The following FHL5 variants were observed in gnomAD, a reference collection of about 807,000 sequenced individuals.
The protein encoded by FHL5 is four and a half LIM domains 5.
A neutral mutation model predicts 32.0 loss-of-function variants in FHL5; 33 were observed. The ratio of observed to expected loss-of-function variants is 1.03; its 90% CI spans 0.78 to 1.38. The LOEUF (loss-of-function observed/expected upper bound fraction) is 1.38, where lower values mean the gene tolerates loss of function less well. FHL5 is among the 40% of genes most tolerant of loss of function. The probability of loss-of-function intolerance (pLI) is 0.00; values close to 1 mark genes in which losing one functional copy is unlikely to be tolerated. For synonymous variants in FHL5, 114 were observed against 113.6 expected (o/e 1.00, Z -0.02); for missense variants, 336 against 343.9 (o/e 0.98, Z 0.18).
intron 1 of FHL5, among the ~76,000 whole-genome samples, chr6:96,566,660 T>A (rs946525329): frequency 4.7e-5 from 7 of 148,072 alleles, no homozygotes; most frequent in African/African-American, 1.8e-4. Context: ...CTTGTCAGCA[T>A]TTTTTTTTTG....
At chr6:96,584,257 C>T (rs1407737296) in intron 1 of FHL5, among the ~76,000 whole-genome samples, 1 of 152,068 alleles carries the variant, frequency 6.6e-6, no homozygotes, top group Non-Finnish European at 1.5e-5. Context: ...AAGGATTTTT[C>T]ACTGGACCTT....
intron 1 of FHL5, among the ~76,000 whole-genome samples, chr6:96,600,360 C>T (rs912405786): frequency 6.6e-6 from 1 of 152,176 alleles, no homozygotes; most frequent in African/African-American, 2.4e-5. Context: ...AAAATTTATT[C>T]TCACGACTCA....
intron 1 of FHL5, among the ~76,000 whole-genome samples, chr6:96,599,285 T>G (rs1771100858): frequency 6.9e-6 from 1 of 145,754 alleles, no homozygotes; most frequent in Non-Finnish European, 1.5e-5. Flanking sequence ...AACCTTCACC[T>G]CCTGGGTTCA....
intron 1 of FHL5, among the ~76,000 whole-genome samples, chr6:96,582,812 T>C (rs1453295606): frequency 2.6e-5 from 4 of 152,164 alleles, no homozygotes; most frequent in African/African-American, 9.7e-5. Flanking sequence ...AGATTGTTTG[T>C]TGAGTTTTTT....
At chr6:96,569,524 T>G (rs1228208941) in intron 1 of FHL5, among the ~76,000 whole-genome samples, 1 of 151,988 alleles carries the variant, frequency 6.6e-6, no homozygotes, top group African/African-American at 2.4e-5. Context: ...TGCTGAGGGG[T>G]GTTGAAGTCC....
rs1771547453 is a variant in FHL5, at chr6:96,617,494, A to T, written c.*1722A>T. 6.6e-6 allele frequency among the ~76,000 whole-genome samples: 1 copy of T among 152,242 alleles called. No individual in the cohort carries two copies. Among genetic ancestry groups the T allele is most frequent in the African/African-American group, 2.4e-5 (1 of 41,466 alleles). On this transcript the variant is annotated 3_prime_UTR_variant, in exon 6 of 6. Transcript: ENST00000450218. Reference sequence around the variant, plus strand: ...TAGATAGACTATTTGAAAACTATAAATGTATTTTTGGATTAACAATGCCAA... The same window carrying T: ...TAGATAGACTATTTGAAAACTATAATTGTATTTTTGGATTAACAATGCCAA...
At chr6:96,588,827 A>G (rs1770854809) in intron 1 of FHL5, among the ~76,000 whole-genome samples, 2 of 151,852 alleles carry the variant, frequency 1.3e-5, no homozygotes, top group Non-Finnish European at 2.9e-5. Context: ...CATCTGTTAT[A>G]TTGTGGCTTG....
At chr6:96,573,934 T>A (rs1770535159) in intron 1 of FHL5, among the ~76,000 whole-genome samples, 1 of 152,188 alleles carries the variant, frequency 6.6e-6, no homozygotes. Context: ...GATTACAGTA[T>A]ACAATTTGAA....
intron 5 of FHL5, among the ~76,000 whole-genome samples, chr6:96,614,743 T>A (rs1344384855): frequency 6.6e-6 from 1 of 152,238 alleles, no homozygotes; most frequent in Non-Finnish European, 1.5e-5. Context: ...TCTCCTTTAA[T>A]GTAACTTCTC....
At chr6:96,606,498 C>T (rs898279403) in intron 4 of FHL5, among the ~76,000 whole-genome samples, 3 of 152,012 alleles carry the variant, frequency 2.0e-5, no homozygotes, top group Non-Finnish European at 4.4e-5. Context: ...ATTACAGGTG[C>T]GTGCCACTGT....
In FHL5 at chr6:96,618,264, T is replaced by C. The variant is rs1335446253; in HGVS notation, c.*2492T>C. Among the ~76,000 whole-genome samples the C allele has an allele frequency of 3.9e-5, 6 of 152,188 alleles. No homozygotes were observed. Among genetic ancestry groups the C allele is most frequent in the Non-Finnish European group, 7.3e-5 (5 of 68,038 alleles). ...TGGACTGACTCAGGAAACAGTGGGCTCCCAGTAATTCAAAGGTGACATCTG... is the reference window on the plus strand; with the variant it reads ...TGGACTGACTCAGGAAACAGTGGGCCCCCAGTAATTCAAAGGTGACATCTG... On this transcript the variant is annotated 3_prime_UTR_variant, in exon 6 of 6. Transcript: ENST00000450218.
At chr6:96,610,963 C>G (rs2127975335) in intron 5 of FHL5, among the ~76,000 whole-genome samples, 1 of 152,272 alleles carries the variant, frequency 6.6e-6, no homozygotes, top group East Asian at 1.9e-4. Flanking sequence ...ATTTGGGTGA[C>G]TATACTCTGT....
At chr6:96,571,198 G>T (rs751838946) in intron 1 of FHL5, among the ~76,000 whole-genome samples, 36 of 152,104 alleles carry the variant, frequency 2.4e-4, no homozygotes, top group Non-Finnish European at 4.1e-4. Flanking sequence ...GTTAGAAAAG[G>T]TGTAGTGACT....
chr6:96,580,491 A>T (rs112529692), intron 1 of FHL5, among the ~76,000 whole-genome samples: 1 of 152,238 alleles, frequency 6.6e-6, no homozygotes, highest in East Asian at 1.9e-4. Context: ...AATACAACTT[A>T]TAAATGTGCC....
At chr6:96,569,382 T>C (rs1350981203) in intron 1 of FHL5, among the ~76,000 whole-genome samples, 5 of 152,100 alleles carry the variant, frequency 3.3e-5, no homozygotes. Flanking sequence ...TTTCATTTTC[T>C]AATGAAAAGA....
chr6:96,578,911 A>C (rs1372411644), intron 1 of FHL5, among the ~76,000 whole-genome samples: 1 of 152,180 alleles, frequency 6.6e-6, no homozygotes, highest in Non-Finnish European at 1.5e-5. Flanking sequence ...TTTTCTACTA[A>C]GTATTTGCGA....
chr6:96,587,774 C>T (rs775627357), intron 1 of FHL5, among the ~76,000 whole-genome samples: 7 of 152,150 alleles, frequency 4.6e-5, no homozygotes, highest in Non-Finnish European at 8.8e-5. Context: ...AGCACATATT[C>T]ATAATTCCTA....
rs113591399 is a variant in FHL5 at position 96,569,425 on chromosome 6, C to T, written c.-13+6070C>T. ...TTTTGCAGCTGTTGAATGAAATGTT[C>T]TGTAAATGTCTGGTAGGTTCATTTG... On this transcript the variant is annotated intron_variant, in intron 1 of 5. Transcript: ENST00000450218. Among the ~76,000 whole-genome samples the T allele has an allele frequency of 4.5e-3, 689 of 152,084 alleles. 6 individuals carry two copies. Among genetic ancestry groups the T allele is most frequent in the African/African-American group, 0.013 (539 of 41,520 alleles).
chr6:96,569,113 T>C (rs1770422347), intron 1 of FHL5, among the ~76,000 whole-genome samples: 1 of 152,028 alleles, frequency 6.6e-6, no homozygotes, highest in African/African-American at 2.4e-5. Flanking sequence ...CTGCTTTTGC[T>C]ATACCCCAGA....
Sources: gnomAD v4.1 joint callset for allele counts (sites outside exome capture counted in the v4.1 genomes callset) on GRCh38, gnomAD v4.1.1 for gene constraint, MANE v1.5 for transcripts, NCBI Gene and HGNC (gene_info 2026-07-23, HGNC 2026-07-21) for gene names.